PDZRN3: variants seen among roughly 807,000 people sequenced by gnomAD.
PDZRN3 encodes E3 ubiquitin-protein ligase PDZRN3.
Under a neutral mutation model 85.7 loss-of-function variants are expected in PDZRN3, and 38 were observed. The observed-to-expected ratio is 0.44, with a 90% CI of 0.34 to 0.58. The LOEUF (loss-of-function observed/expected upper bound fraction) is 0.58. Among genes scored for constraint, PDZRN3 ranks in the 20% least tolerant of loss-of-function variants. PDZRN3 has a pLI of 0.01. For missense variants in PDZRN3, 1,629 were observed against 1,506.4 expected (o/e 1.08, Z -1.35); for synonymous variants, 759 against 638.0 (o/e 1.19, Z -2.86).
intron 1 of PDZRN3, among the ~76,000 whole-genome samples, chr3:73,620,204 GC>G (rs1423026977): frequency 6.6e-6 from 1 of 152,210 alleles, no homozygotes; most frequent in Non-Finnish European, 1.5e-5. Context: ...GAGCTGGAGA[GC>G]TGTGAATAGA....
intron 3 of PDZRN3, among the ~76,000 whole-genome samples, chr3:73,597,010 T>C (rs910347197): frequency 2.6e-5 from 4 of 152,196 alleles, no homozygotes; most frequent in Admixed American, 2.0e-4. Flanking sequence ...TAGATGTTAA[T>C]ATTTGGGGAA....
At chr3:73,607,138 C>T (rs866973663) in intron 2 of PDZRN3, among the ~76,000 whole-genome samples, 5 of 152,328 alleles carry the variant, frequency 3.3e-5, no homozygotes, top group Middle Eastern at 3.4e-3. Context: ...AGCGTCCAAC[C>T]GCTTTCTTCT....
intron 3 of PDZRN3, among the ~76,000 whole-genome samples, chr3:73,540,087 GAAAAAAAAA>G (rs1168662549): frequency 2.0e-5 from 1 of 50,004 alleles, no homozygotes; most frequent in East Asian, 6.9e-4. Context: ...ACTGTTGGAT[GAAAAAAAAA>G]AAAAAAAAAA....
At chr3:73,429,927 C>A (rs149337815) in intron 3 of PDZRN3, among the ~76,000 whole-genome samples, 1 of 152,190 alleles carries the variant, frequency 6.6e-6, no homozygotes, top group Non-Finnish European at 1.5e-5. Context: ...GGAGGTACCA[C>A]GTAGCACCTG....
intron 3 of PDZRN3, among the ~76,000 whole-genome samples, chr3:73,427,535 A>G (rs1440325455): frequency 6.6e-6 from 1 of 152,040 alleles, no homozygotes; most frequent in Non-Finnish European, 1.5e-5. Context: ...ACTATTCCAT[A>G]TGTTTCCTTC....
intron 3 of PDZRN3, among the ~76,000 whole-genome samples, chr3:73,563,013 A>ATATATATATATATTTTT (rs1187151191): frequency 9.1e-5 from 4 of 43,758 alleles, no homozygotes; most frequent in Non-Finnish European, 1.1e-4. Flanking sequence ...ATATATATAT[A>ATATATATATATATTTTT]TTTTTTTTTT....
intron 3 of PDZRN3, among the ~76,000 whole-genome samples, chr3:73,420,771 A>G (rs1436976354): frequency 3.9e-5 from 6 of 152,170 alleles, no homozygotes; most frequent in Admixed American, 2.0e-4. Context: ...AGATTGGCCT[A>G]TTAGACAATA....
intron 3 of PDZRN3, among the ~76,000 whole-genome samples, chr3:73,575,608 T>A (rs1365412683): frequency 6.6e-6 from 1 of 152,318 alleles, no homozygotes; most frequent in Non-Finnish European, 1.5e-5. Context: ...TAGACAAATG[T>A]GAACTTTATC....
chr3:73,502,044 A>G (rs1703990366), intron 3 of PDZRN3, among the ~76,000 whole-genome samples: 1 of 152,192 alleles, frequency 6.6e-6, no homozygotes, highest in Non-Finnish European at 1.5e-5. Context: ...AAATAAAATA[A>G]AATAAAACAA....
intron 3 of PDZRN3, among the ~76,000 whole-genome samples, chr3:73,461,664 A>G (rs1434656691): frequency 6.6e-6 from 1 of 152,254 alleles, no homozygotes; most frequent in African/African-American, 2.4e-5. Flanking sequence ...TTAAAATGAA[A>G]TCTGGAGAAG....
Position 73,571,719 on chromosome 3 carries a change from T to G in PDZRN3, c.918+30635A>C, listed in dbSNP as rs1050511121. ...TGGAGACCTCTACCTTTATCTCCCC[T>G]GAGCAGGCGGCTCTCACCTCATCAA... On this transcript the variant is annotated intron_variant, in intron 3 of 9. Coordinates refer to ENST00000263666, the MANE Select transcript of PDZRN3 (RefSeq NM_015009.3). Among the ~76,000 whole-genome samples, 3 of 152,292 alleles carry G rather than the reference T, an allele frequency of 2.0e-5. No individual in the cohort carries two copies. The South Asian group carries it at 6.2e-4, about 32-fold the overall frequency.
intron 3 of PDZRN3, chr3:73,569,042 T>C (rs971626497): frequency 4.0e-6 from 2 of 498,070 alleles, no homozygotes; most frequent in African/African-American, 4.0e-5. Context: ...ATGAAAAAAC[T>C]GAGGTCCTAT....
intron 3 of PDZRN3, among the ~76,000 whole-genome samples, chr3:73,477,870 A>G (rs1359324544): frequency 6.6e-6 from 1 of 152,158 alleles, no homozygotes; most frequent in Non-Finnish European, 1.5e-5. Context: ...CATGTCTTAC[A>G]TGGTGGCAGG....
At chr3:73,511,489 A>G (rs1704163855) in intron 3 of PDZRN3, among the ~76,000 whole-genome samples, 1 of 152,108 alleles carries the variant, frequency 6.6e-6, no homozygotes, top group African/African-American at 2.4e-5. Flanking sequence ...GTGCATTTGG[A>G]CATTCTTTGT....
chr3:73,455,649 T>TTA (rs1702962685), intron 3 of PDZRN3, among the ~76,000 whole-genome samples: 1 of 152,264 alleles, frequency 6.6e-6, no homozygotes, highest in Non-Finnish European at 1.5e-5. Flanking sequence ...CAACCTTTAT[T>TTA]TATCTCCAAC....
At chr3:73,481,098 G>C (rs1489440365) in intron 3 of PDZRN3, among the ~76,000 whole-genome samples, 1 of 152,186 alleles carries the variant, frequency 6.6e-6, no homozygotes, top group Admixed American at 6.5e-5. Context: ...AGCCTGTACT[G>C]ATGCAGATAC....
chr3:73,571,711 A>C (rs931701446), intron 3 of PDZRN3, among the ~76,000 whole-genome samples: 3 of 152,094 alleles, frequency 2.0e-5, no homozygotes, highest in African/African-American at 7.2e-5. Flanking sequence ...CTCTACCTTT[A>C]TCTCCCCTGA....
intron 7 of PDZRN3, 185 bp from the exon 8 acceptor site, chr3:73,388,254 A>G (rs1276515592): frequency 8.9e-6 from 4 of 451,048 alleles, no homozygotes; most frequent in South Asian, 5.0e-5. Flanking sequence ...AGACCAATGC[A>G]GTTTCTCTGG....
intron 3 of PDZRN3, among the ~76,000 whole-genome samples, chr3:73,420,484 C>T (rs898701347): frequency 3.9e-5 from 6 of 152,198 alleles, no homozygotes; most frequent in African/African-American, 2.4e-5. Flanking sequence ...CCTAAAAGTA[C>T]TGCATATTTC....
Sources: gnomAD v4.1 joint callset for allele counts (sites outside exome capture counted in the v4.1 genomes callset) on GRCh38, gnomAD v4.1.1 for gene constraint, MANE v1.5 for transcripts, NCBI Gene and HGNC (gene_info 2026-07-23, HGNC 2026-07-21) for gene names.